GUCY1B1: variants seen among roughly 807,000 people sequenced by gnomAD.
GUCY1B1 encodes guanylate cyclase soluble subunit beta-1.
GUCY1B1 carries 43 observed loss-of-function variants against 71.0 expected under a neutral mutation model. The observed-to-expected ratio is 0.61, with a 90% confidence interval of 0.47 to 0.78. GUCY1B1 has a LOEUF of 0.78. Among genes scored for constraint, GUCY1B1 ranks in the 30% least tolerant of loss-of-function variants. The probability of loss-of-function intolerance (pLI) is 0.00; values close to 1 mark genes in which losing one functional copy is unlikely to be tolerated. For missense variants in GUCY1B1, 535 were observed against 754.1 expected, an observed-to-expected ratio of 0.71 and a Z score of 3.40; for synonymous variants, 266 against 259.7, an observed-to-expected ratio of 1.02 and a Z score of -0.23.
At chr4:155,775,740 C>A (rs1738000459) in intron 3 of GUCY1B1, among the ~76,000 whole-genome samples, 1 of 152,156 alleles carries the variant, frequency 6.6e-6, no homozygotes, top group Non-Finnish European at 1.5e-5. Context: ...CTTTTGTAGT[C>A]ACAAGTTATA....
intron 4 of GUCY1B1, among the ~76,000 whole-genome samples, chr4:155,781,145 A>G (rs1738389439): frequency 6.6e-6 from 1 of 152,210 alleles, no homozygotes; most frequent in African/African-American, 2.4e-5. Flanking sequence ...GAAAATTTCT[A>G]AGTACTAGAC....
intron 2 of GUCY1B1, among the ~76,000 whole-genome samples, chr4:155,773,351 T>C (rs1013419922): frequency 1.3e-5 from 2 of 152,234 alleles, no homozygotes; most frequent in Non-Finnish European, 1.5e-5. Flanking sequence ...CTCCTTTGAA[T>C]GCTTGTTTGA....
intron 2 of GUCY1B1, among the ~76,000 whole-genome samples, chr4:155,764,151 C>T (rs1737182736): frequency 6.6e-6 from 1 of 151,992 alleles, no homozygotes; most frequent in Non-Finnish European, 1.5e-5. Context: ...CATGTTTTGC[C>T]GTGTTTATTC....
chr4:155,760,109 G>C (rs372236022), intron 2 of GUCY1B1, among the ~76,000 whole-genome samples: 2 of 152,144 alleles, frequency 1.3e-5, no homozygotes, highest in Non-Finnish European at 1.5e-5. Flanking sequence ...GGGTCACCAC[G>C]GCTTCCCGAC....
intron 4 of GUCY1B1, among the ~76,000 whole-genome samples, chr4:155,786,224 A>T (rs1488285722): frequency 6.6e-6 from 1 of 151,860 alleles, no homozygotes; most frequent in Non-Finnish European, 1.5e-5. Flanking sequence ...TTCTGTATAG[A>T]AAAAATATTA....
intron 2 of GUCY1B1, among the ~76,000 whole-genome samples, chr4:155,770,405 T>G (rs2111002442): frequency 6.6e-6 from 1 of 152,280 alleles, no homozygotes; most frequent in South Asian, 2.1e-4. Flanking sequence ...TTTGACAGCA[T>G]GAAGTCCGAT....
At position 155,789,738 on chromosome 4, in the gene GUCY1B1, CT is replaced by C; in HGVS notation, c.324del (p.Ala109LeufsTer54). 2 of 1,607,314 alleles carry C rather than the reference CT, an allele frequency of 1.2e-6. No homozygotes were observed. The highest frequency in any genetic ancestry group is 1.7e-6 in the Non-Finnish European group (2 of 1,175,484). On this transcript the variant is annotated frameshift_variant, in exon 5 of 14. Transcript: ENST00000264424. LOFTEE classifies it high-confidence loss of function. Reference sequence around the variant, plus strand: ...GAACCTTGATGCTCTGCACGACCACCTTGCTACCATCTACCCAGGAATGCGT... The same window carrying C: ...GAACCTTGATGCTCTGCACGACCACCTGCTACCATCTACCCAGGAATGCGT... ...LQNLDALHDH[L>X]ATIYPGMRAP... is the part of the protein sequence containing the mutation.
intron 8 of GUCY1B1, among the ~76,000 whole-genome samples, chr4:155,797,973 A>C (rs1739680523): frequency 6.6e-6 from 1 of 152,156 alleles, no homozygotes; most frequent in South Asian, 2.1e-4. Flanking sequence ...ATCTGCTATC[A>C]GTAAGTGTTT....
chr4:155,783,163 A>T (rs1373010521), intron 4 of GUCY1B1, among the ~76,000 whole-genome samples: 1 of 152,230 alleles, frequency 6.6e-6, no homozygotes, highest in East Asian at 1.9e-4. Flanking sequence ...ATGTGTGTAT[A>T]TGCTTGTACA....
chr4:155,791,146 A>G (rs1302742661), intron 5 of GUCY1B1, among the ~76,000 whole-genome samples: 9 of 148,912 alleles, frequency 6.0e-5, no homozygotes, highest in East Asian at 2.0e-4. Context: ...ACAGAGTCTC[A>G]CTCTGTCTCC....
At chr4:155,763,332 C>T (rs932590018) in intron 2 of GUCY1B1, among the ~76,000 whole-genome samples, 6 of 152,168 alleles carry the variant, frequency 3.9e-5, no homozygotes, top group South Asian at 2.1e-4. Context: ...TGCACCACCA[C>T]ACCCAGCCCA....
rs1396982841 is a variant in GUCY1B1 at position 155,769,422 on chromosome 4, C to T, written c.78-5546C>T. Among the ~76,000 whole-genome samples the T allele has an allele frequency of 8.5e-5, 13 of 152,116 alleles. No homozygotes were observed. The East Asian group carries it at 2.5e-3, about 29-fold the overall frequency. On this transcript the variant is annotated intron_variant, in intron 2 of 13. Transcript: ENST00000264424. Reference sequence around the variant, plus strand: ...CTAAATATTTATTATTGTCTGCTGACCTCTTTCATTGAGTAATTCACTGAA... The same window carrying T: ...CTAAATATTTATTATTGTCTGCTGATCTCTTTCATTGAGTAATTCACTGAA...
chr4:155,783,303 T>C (rs1738560267), intron 4 of GUCY1B1, among the ~76,000 whole-genome samples: 1 of 152,202 alleles, frequency 6.6e-6, no homozygotes, highest in Non-Finnish European at 1.5e-5. Flanking sequence ...TTACATTATA[T>C]TGTTTTTACC....
chr4:155,772,976 T>G (rs929914803), intron 2 of GUCY1B1, among the ~76,000 whole-genome samples: 2 of 152,208 alleles, frequency 1.3e-5, no homozygotes, highest in African/African-American at 4.8e-5. Flanking sequence ...TACACAGATA[T>G]AGTCATGAGT....
Position 155,802,236 on chromosome 4 carries a change from C to A in GUCY1B1, c.1176-106C>A, listed in dbSNP as rs775777801. 1.3e-6 allele frequency: 2 copies of A among 1,547,180 alleles called. No individual in the cohort carries two copies. The highest frequency in any genetic ancestry group is 1.2e-5 in the South Asian group (1 of 84,310). On this transcript the variant is annotated intron_variant, in intron 9 of 13. Coordinates refer to ENST00000264424, the MANE Select transcript of GUCY1B1 (RefSeq NM_000857.5). The surrounding 1 kb of genome is among the most constrained non-coding windows in gnomAD (Gnocchi z 4.3). ...AGAGGATGTCCTGCTAGAATCCAGGCCTTTAAAGTACAAACGACACTGATG... is the reference window on the plus strand; with the variant it reads ...AGAGGATGTCCTGCTAGAATCCAGGACTTTAAAGTACAAACGACACTGATG...
chr4:155,769,160 T>G (rs1330563641), intron 2 of GUCY1B1, among the ~76,000 whole-genome samples: 1 of 152,144 alleles, frequency 6.6e-6, no homozygotes, highest in Non-Finnish European at 1.5e-5. Flanking sequence ...ATAGGTTAAT[T>G]CTGCTAACCA....
At chr4:155,796,343 G>A (rs762166734) in intron 7 of GUCY1B1, 34 bp from the exon 8 acceptor site, 1 of 1,597,110 alleles carries the variant, frequency 6.3e-7, no homozygotes, top group Non-Finnish European at 8.6e-7. Context: ...AGGGAGAAAG[G>A]CATTCATTAA....
At chr4:155,805,270 G>A (rs953250922) in intron 13 of GUCY1B1, 41 bp downstream of exon 13, 2 of 1,510,746 alleles carry the variant, frequency 1.3e-6, no homozygotes, top group East Asian at 2.3e-5. Context: ...TTAAGACAGA[G>A]TATAAGTATG....
intron 11 of GUCY1B1, among the ~76,000 whole-genome samples, chr4:155,803,996 A>T (rs886173924): frequency 5.3e-5 from 8 of 152,172 alleles, no homozygotes; most frequent in African/African-American, 1.9e-4. Context: ...GGGGATGAGA[A>T]AAAAACCTCT....
Sources: gnomAD v4.1 joint callset for allele counts (sites outside exome capture counted in the v4.1 genomes callset) on GRCh38, gnomAD v4.1.1 for gene constraint, Gnocchi (gnomAD v3.1) non-coding constraint, MANE v1.5 for transcripts, NCBI Gene and HGNC (gene_info 2026-07-23, HGNC 2026-07-21) for gene names.